Variants in KANK1 observed in about 807,000 individuals in gnomAD.
The protein encoded by KANK1 is KN motif and ankyrin repeat domain-containing protein 1.
KANK1 carries 109 observed loss-of-function variants against 106.2 expected under a neutral mutation model. That is an observed-to-expected ratio of 1.03 (90% CI 0.88 to 1.20). The LOEUF (loss-of-function observed/expected upper bound fraction) is 1.20, where lower values mean the gene tolerates loss of function less well. KANK1 is among the 50% of genes most tolerant of loss of function. The pLI, the probability that KANK1 is intolerant of heterozygous loss-of-function variation, is 0.00. For missense variants in KANK1, 2,399 were observed against 1,710.7 expected, an observed-to-expected ratio of 1.40 and a Z score of -7.10; for synonymous variants, 873 against 652.2, an observed-to-expected ratio of 1.34 and a Z score of -5.16.
At chr9:558,709 A>G (rs552518098) in intron 1 of KANK1, 1 of 152,284 alleles carries the variant, frequency 6.6e-6, no homozygotes, top group African/African-American at 2.4e-5. Flanking sequence ...AAAGCCCTAA[A>G]AACTAGCCAC....
chr9:485,580 G>C (rs936844611), intron 3 of KANK1, among the ~76,000 whole-genome samples: 4 of 152,150 alleles, frequency 2.6e-5, no homozygotes, highest in African/African-American at 9.7e-5. Flanking sequence ...AAACTGCTTA[G>C]TAAAGAGATA....
chr9:637,031 T>C (rs10975525), intron 1 of KANK1, among the ~76,000 whole-genome samples: 21,846 of 152,146 alleles, frequency 0.14, 2,495 homozygotes, highest in East Asian at 0.34. Context: ...TCTAGTACTT[T>C]ATTGATTTCA....
intron 3 of KANK1, among the ~76,000 whole-genome samples, chr9:481,295 CA>C (rs145031920): frequency 9.3e-5 from 14 of 150,472 alleles, no homozygotes; most frequent in South Asian, 2.1e-4. Context: ...CAAAACAAAA[CA>C]AAAAAAAACC....
intron 3 of KANK1, among the ~76,000 whole-genome samples, chr9:714,914 G>T (rs1336829390): frequency 6.6e-6 from 1 of 152,148 alleles, no homozygotes; most frequent in Non-Finnish European, 1.5e-5. Flanking sequence ...CAATTCTCAT[G>T]AATCAGTGTG....
chr9:706,987 C>T (rs1445346205), intron 2 of KANK1: 3 of 985,446 alleles, frequency 3.0e-6, no homozygotes, highest in Non-Finnish European at 3.6e-6. Flanking sequence ...TCAGAAGATA[C>T]CGGTTTCCTG....
intron 4 of KANK1, chr9:730,930 T>A: frequency 2.9e-6 from 1 of 342,644 alleles, no homozygotes; most frequent in Non-Finnish European, 5.4e-6. Flanking sequence ...CTTTGTTATG[T>A]CTGGAAGGAC....
At position 742,213 on chromosome 9, in the gene KANK1, G is replaced by C; in HGVS notation, c.3705G>C (p.Gln1235His). 1 of 1,614,110 alleles carries C rather than the reference G, an allele frequency of 6.2e-7. No homozygotes were observed. The highest frequency in any genetic ancestry group is 1.3e-5 in the African/African-American group (1 of 75,070). The change falls in exon 10 of 12, where the codon CAG becomes CAC. Residue 1235 changes from glutamine (Q) to histidine (H), a missense_variant. Gln to His is a conservative substitution (Grantham distance 24). Coordinates refer to ENST00000382297, the MANE Select transcript of KANK1 (RefSeq NM_015158.5). ...GTCATCTCTTCCCATAGGCGGGACA[G>C]ACGGCCCTCATGCTGGCGGTCAGTC... ...DVNAKASQAGQTALMLAVSHG... is the reference protein window; with the variant it reads ...DVNAKASQAGHTALMLAVSHG...
At chr9:503,015 T>A (rs1179810070), upstream of KANK1, among the ~76,000 whole-genome samples, 17 of 149,180 alleles carry the variant, frequency 1.1e-4, no homozygotes, top group East Asian at 3.2e-3. Context: ...TTTTTTTTTT[T>A]TTTTTTTTTT....
chr9:567,852 T>A (rs1324675286), intron 1 of KANK1, among the ~76,000 whole-genome samples: 1 of 152,212 alleles, frequency 6.6e-6, no homozygotes, highest in Non-Finnish European at 1.5e-5. Flanking sequence ...TATAGAAGTT[T>A]GCAGATGTTT....
chr9:495,883 G>A (rs1293392406), intron 3 of KANK1, among the ~76,000 whole-genome samples: 1 of 152,108 alleles, frequency 6.6e-6, no homozygotes, highest in East Asian at 1.9e-4. Flanking sequence ...AGATCAAAAG[G>A]TCACCAGGTC....
At chr9:645,036 A>C (rs138099645) in intron 1 of KANK1, among the ~76,000 whole-genome samples, 2,006 of 140,698 alleles carry the variant, frequency 0.014, 171 homozygotes, top group African/African-American at 0.053. Context: ...AGGCAGGAGA[A>C]TTGTTTGAAC....
chr9:722,723 A>G (rs1032166949), intron 3 of KANK1, among the ~76,000 whole-genome samples: 1 of 152,328 alleles, frequency 6.6e-6, no homozygotes, highest in East Asian at 1.9e-4. Context: ...CCAGTTTGGA[A>G]TTTAATGAGG....
intron 4 of KANK1, chr9:730,513 G>A: frequency 2.4e-6 from 1 of 419,450 alleles, no homozygotes; most frequent in Non-Finnish European, 4.5e-6. Context: ...CCAACATGGT[G>A]AAACCCCATC....
intron 1 of KANK1, among the ~76,000 whole-genome samples, chr9:592,748 C>T (rs1384390697): frequency 6.6e-6 from 1 of 151,888 alleles, no homozygotes; most frequent in Non-Finnish European, 1.5e-5. Context: ...TAATTTCTTT[C>T]CCAAATGAAT....
At chr9:577,039 T>C (rs1176846234) in intron 1 of KANK1, among the ~76,000 whole-genome samples, 1 of 152,188 alleles carries the variant, frequency 6.6e-6, no homozygotes, top group Non-Finnish European at 1.5e-5. Flanking sequence ...ATGGCCTCGC[T>C]GACTTGAGGA....
intron 1 of KANK1, among the ~76,000 whole-genome samples, chr9:570,406 G>A (rs1235674105): frequency 6.6e-6 from 1 of 152,138 alleles, no homozygotes; most frequent in South Asian, 2.1e-4. Context: ...TTGTCCAGTG[G>A]GCCCAGCTGG....
intron 2 of KANK1, among the ~76,000 whole-genome samples, chr9:705,328 A>C (rs1273683957): frequency 6.6e-6 from 1 of 152,062 alleles, no homozygotes; most frequent in Non-Finnish European, 1.5e-5. Context: ...TCTACTAAAA[A>C]TACAAAAAGT....
intron 3 of KANK1, among the ~76,000 whole-genome samples, chr9:489,929 C>T (rs955600402): frequency 6.6e-6 from 1 of 152,086 alleles, no homozygotes; most frequent in Non-Finnish European, 1.5e-5. Context: ...TCTGGGGGAA[C>T]AAAACCGTAC....
At chr9:503,714 G>C (rs899405399), upstream of KANK1, among the ~76,000 whole-genome samples, 7 of 152,128 alleles carry the variant, frequency 4.6e-5, no homozygotes, top group Admixed American at 3.3e-4. Context: ...TTATAAAGTC[G>C]TCCCTTCAGT....
Sources: gnomAD v4.1 joint callset for allele counts (sites outside exome capture counted in the v4.1 genomes callset) on GRCh38, gnomAD v4.1.1 for gene constraint, MANE v1.5 for transcripts, NCBI Gene and HGNC (gene_info 2026-07-23, HGNC 2026-07-21) for gene names.